ZNF366: variants seen among roughly 807,000 people sequenced by gnomAD.
ZNF366 encodes the protein zinc finger protein 366, also known as dendritic cell-specific transcript protein.
ZNF366 carries 20 observed loss-of-function variants against 47.2 expected under a neutral mutation model. The ratio of observed to expected loss-of-function variants is 0.42; its 90% CI spans 0.30 to 0.62. ZNF366 has a LOEUF of 0.62. Among genes scored for constraint, ZNF366 ranks in the 20% least tolerant of loss-of-function variants. The pLI is 0.16. For missense variants in ZNF366, 987 were observed against 976.3 expected (o/e 1.01, Z -0.15); for synonymous variants, 421 against 395.1 (o/e 1.07, Z -0.78).
At chr5:72,482,215 G>A (rs1158517270) in intron 1 of ZNF366, among the ~76,000 whole-genome samples, 4 of 152,172 alleles carry the variant, frequency 2.6e-5, no homozygotes, top group African/African-American at 9.7e-5. Flanking sequence ...GTCTTGAAAT[G>A]AATGTTTTAC....
In ZNF366 at chr5:72,461,369, G is replaced by A; in HGVS notation, c.128C>T (p.Pro43Leu). The A allele has an allele frequency of 6.2e-7, 1 of 1,614,020 alleles. No individual in the cohort carries two copies. The highest frequency in any genetic ancestry group is 8.5e-7 in the Non-Finnish European group (1 of 1,179,960). ...TGGCCCTCGGAGAGCTTCCGGGAAGGGGTGTCTTTGGGGAGCCTTTCCCCG... is the reference window on the plus strand; with the variant it reads ...TGGCCCTCGGAGAGCTTCCGGGAAGAGGTGTCTTTGGGGAGCCTTTCCCCG... ...ASRGKAPQRH[P>L]FPEALRGPFS... Residue 43 changes from proline (P) to leucine (L), a missense_variant, in exon 2 of 5, where the codon CCC becomes CTC. By Grantham distance (98) the Pro-to-Leu change is moderately conservative. This residue lies in a region of ZNF366 where 591 missense variants were observed against 560.9 expected (regional missense o/e 1.05). Transcript: ENST00000318442.
intron 1 of ZNF366, chr5:72,472,675 C>T (rs897045275): frequency 1.1e-4 from 75 of 663,724 alleles, no homozygotes; most frequent in Middle Eastern, 7.6e-4. Context: ...TATGATTAAT[C>T]CAGTTTCTCC....
intron 1 of ZNF366, among the ~76,000 whole-genome samples, chr5:72,498,035 C>T (rs1411292051): frequency 6.6e-6 from 1 of 151,704 alleles, no homozygotes; most frequent in Non-Finnish European, 1.5e-5. Context: ...TGAGTTTTGG[C>T]CCTGCAGAAG....
chr5:72,495,277 A>T (rs1744091243), intron 1 of ZNF366, among the ~76,000 whole-genome samples: 1 of 152,172 alleles, frequency 6.6e-6, no homozygotes, highest in Non-Finnish European at 1.5e-5. Context: ...AAAGGGGCTA[A>T]TCGTTTATTG....
intron 3 of ZNF366, among the ~76,000 whole-genome samples, chr5:72,451,089 T>G (rs1362145976): frequency 6.6e-6 from 1 of 152,236 alleles, no homozygotes; most frequent in Non-Finnish European, 1.5e-5. Context: ...GCTAAGAGTG[T>G]GCCCAAGCAG....
chr5:72,504,020 G>C (rs555273925), intron 1 of ZNF366, among the ~76,000 whole-genome samples: 1 of 152,118 alleles, frequency 6.6e-6, no homozygotes, highest in South Asian at 2.1e-4. Context: ...ATAGCAGTTG[G>C]ATCAATCAGG....
chr5:72,465,849 T>C (rs911897949), intron 1 of ZNF366, among the ~76,000 whole-genome samples: 9 of 152,356 alleles, frequency 5.9e-5, no homozygotes, highest in African/African-American at 2.2e-4. Context: ...GGCTTTGTGC[T>C]AGCAGCTGTG....
chr5:72,502,196 G>A (rs1744223239), intron 1 of ZNF366, among the ~76,000 whole-genome samples: 1 of 152,126 alleles, frequency 6.6e-6, no homozygotes, highest in Admixed American at 6.5e-5. Flanking sequence ...AGACAGCAGT[G>A]GACAAAACAA....
At position 72,443,813 on chromosome 5, in the gene ZNF366, ACT is replaced by A; in HGVS notation, c.2176_2177del (p.Ser726PhefsTer24). 1.2e-6 allele frequency: 2 copies of A among 1,614,014 alleles called. No individual in the cohort carries two copies. The highest frequency in any genetic ancestry group is 1.7e-6 in the Non-Finnish European group (2 of 1,179,990). ...TTTTCCTCTCCAGTAATTCTTTCAA[ACT>A]CTCATCTCTGTGCTTGAAGTATAAG... is the stretch of plus-strand genomic sequence containing the variant. Reference protein sequence around the residue: ...DYLYFKHRDESLKELLERKME... With the variant: ...DYLYFKHRDEXLKELLERKME... On this transcript the variant is annotated frameshift_variant, in exon 5 of 5. Coordinates refer to ENST00000318442, the MANE Select transcript of ZNF366 (RefSeq NM_152625.3). LOFTEE classifies it high-confidence loss of function.
At chr5:72,493,902 G>A (rs756905312) in intron 1 of ZNF366, among the ~76,000 whole-genome samples, 1 of 142,646 alleles carries the variant, frequency 7.0e-6, no homozygotes, top group Non-Finnish European at 1.5e-5. Context: ...TTACAGGCGT[G>A]AGCCACCATG....
chr5:72,486,902 T>A (rs1386466226), intron 1 of ZNF366, among the ~76,000 whole-genome samples: 1 of 152,032 alleles, frequency 6.6e-6, no homozygotes, highest in Admixed American at 6.6e-5. Flanking sequence ...CTCAGCCTCT[T>A]GAGTAGCTGG....
chr5:72,454,618 T>C (rs1463620614), intron 3 of ZNF366, among the ~76,000 whole-genome samples: 2 of 152,224 alleles, frequency 1.3e-5, no homozygotes, highest in African/African-American at 2.4e-5. Flanking sequence ...TTAATGGCTC[T>C]CTTCATATTT....
chr5:72,455,806 T>C (rs1022313543), intron 3 of ZNF366, among the ~76,000 whole-genome samples: 2 of 152,240 alleles, frequency 1.3e-5, no homozygotes, highest in African/African-American at 4.8e-5. Flanking sequence ...TTGAAGTGAC[T>C]GTGCTCGCAG....
At chr5:72,497,271 A>G (rs1483156171) in intron 1 of ZNF366, among the ~76,000 whole-genome samples, 2 of 152,324 alleles carry the variant, frequency 1.3e-5, no homozygotes, top group African/African-American at 4.8e-5. Flanking sequence ...TAAAGTTCTA[A>G]CACTTACATT....
intron 1 of ZNF366, among the ~76,000 whole-genome samples, chr5:72,495,400 G>C (rs1014967987): frequency 5.3e-5 from 8 of 152,168 alleles, no homozygotes; most frequent in African/African-American, 1.9e-4. Context: ...CCATGGTCAT[G>C]CTGTTAGCAA....
intron 1 of ZNF366, among the ~76,000 whole-genome samples, chr5:72,488,345 A>T (rs1176590465): frequency 6.6e-6 from 1 of 152,194 alleles, no homozygotes; most frequent in Non-Finnish European, 1.5e-5. Flanking sequence ...CTTTGAACAA[A>T]GATTTTTTTT....
At chr5:72,493,541 A>G (rs1021060515) in intron 1 of ZNF366, 20 of 152,192 alleles carry the variant, frequency 1.3e-4, no homozygotes, top group African/African-American at 4.6e-4. Flanking sequence ...ATTGAAGAAT[A>G]AAAATGTTCT....
At chr5:72,477,946 T>C (rs1345254185) in intron 1 of ZNF366, among the ~76,000 whole-genome samples, 5 of 152,140 alleles carry the variant, frequency 3.3e-5, no homozygotes, top group Non-Finnish European at 7.4e-5. Context: ...AGTCATGACA[T>C]AAGAACTATT....
At chr5:72,501,294 G>T (rs1744206064) in intron 1 of ZNF366, among the ~76,000 whole-genome samples, 1 of 152,134 alleles carries the variant, frequency 6.6e-6, no homozygotes, top group Admixed American at 6.5e-5. Context: ...TAGGAGAATT[G>T]CCCAGTATTC....
Sources: allele counts gnomAD v4.1 joint callset (sites outside exome capture counted in the v4.1 genomes callset), GRCh38; gene constraint gnomAD v4.1.1; regional missense constraint gnomAD v4.1.1; transcripts MANE v1.5; gene names NCBI Gene and HGNC (gene_info 2026-07-23, HGNC 2026-07-21).